Variants in C1QTNF3 observed in about 807,000 individuals in gnomAD.
C1QTNF3 encodes complement C1q tumor necrosis factor-related protein 3.
A neutral mutation model predicts 32.6 loss-of-function variants in C1QTNF3; 26 were observed. That is an observed-to-expected ratio of 0.80 (90% CI 0.58 to 1.11). C1QTNF3 has a LOEUF of 1.11. Ranked by LOEUF, C1QTNF3 falls within the 50% of genes least tolerant of loss-of-function variation. The pLI, the probability that C1QTNF3 is intolerant of heterozygous loss-of-function variation, is 0.00. For missense variants in C1QTNF3, 362 were observed against 398.2 expected (o/e 0.91, Z 0.77); for synonymous variants, 155 against 146.0 (o/e 1.06, Z -0.44).
At chr5:34,040,902 T>C (rs1171498335) in intron 1 of C1QTNF3, among the ~76,000 whole-genome samples, 1 of 152,152 alleles carries the variant, frequency 6.6e-6, no homozygotes, top group African/African-American at 2.4e-5. Flanking sequence ...ACTTTGACAC[T>C]TTTGCCCAAT....
At chr5:34,058,032 G>T in the C1QTNF3 span, among the ~76,000 whole-genome samples, 2 of 152,196 alleles carry the variant, frequency 1.3e-5, no homozygotes, top group African/African-American at 4.8e-5. Flanking sequence ...AAAAGAAGAA[G>T]TTTGTCCTGT....
chr5:34,147,688 G>A, the C1QTNF3 span, among the ~76,000 whole-genome samples: 1 of 152,028 alleles, frequency 6.6e-6, no homozygotes, highest in Non-Finnish European at 1.5e-5. Context: ...AAAGAGTGGT[G>A]TGAATTGAAA....
At chr5:34,092,788 G>T in the C1QTNF3 span, among the ~76,000 whole-genome samples, 1 of 151,752 alleles carries the variant, frequency 6.6e-6, no homozygotes, top group African/African-American at 2.4e-5. Flanking sequence ...AAGACACCAG[G>T]TCCCATTTAC....
rs1249445540 is a variant in C1QTNF3 at position 34,019,950 on chromosome 5, G to A, written c.*633C>T. 1 of 152,236 alleles carries A rather than the reference G, an allele frequency of 6.6e-6. No individual in the cohort carries two copies. The highest frequency in any genetic ancestry group is 2.4e-5 in the African/African-American group (1 of 41,420). The allele number at this position is 152,236 out of a possible 1,614,324, so 9.4% of individuals were successfully genotyped here. Reference sequence around the variant, plus strand: ...CCACATCCGAAGTTGGGGGCGATGTGGGGGAACATACACAAAATTACAACC... The same window carrying A: ...CCACATCCGAAGTTGGGGGCGATGTAGGGGAACATACACAAAATTACAACC... On this transcript the variant is annotated 3_prime_UTR_variant, in exon 6 of 6. Coordinates refer to ENST00000382065, the MANE Select transcript of C1QTNF3 (RefSeq NM_181435.6).
At chr5:34,161,365 C>T in the C1QTNF3 span, among the ~76,000 whole-genome samples, 2 of 151,954 alleles carry the variant, frequency 1.3e-5, no homozygotes, top group East Asian at 3.9e-4. Context: ...CACTAACAGG[C>T]CACTTAGAGA....
chr5:34,028,260 C>T (rs752001047), intron 4 of C1QTNF3, among the ~76,000 whole-genome samples: 9 of 152,218 alleles, frequency 5.9e-5, no homozygotes, highest in Non-Finnish European at 1.2e-4. Context: ...GCATGAGCCA[C>T]CGCGCCGGGC....
rs987907361 is a variant in C1QTNF3, at chr5:34,033,545, T to C, written c.416-87A>G. 8 of 1,531,038 alleles carry C rather than the reference T, an allele frequency of 5.2e-6. No homozygotes were observed. In the African/African-American group the frequency reaches 6.8e-5, roughly 13 times the overall value. The allele number at this position is 1,531,038 out of a possible 1,614,324, so 94.8% of individuals were successfully genotyped here. ...TAGACATACTATCCAAACTCAATTA[T>C]GAAAGGGGACCATTCAGAATAATCC... On this transcript the variant is annotated intron_variant, in intron 2 of 5. Coordinates refer to ENST00000382065, the MANE Select transcript of C1QTNF3 (RefSeq NM_181435.6).
chr5:34,178,387 G>C, the C1QTNF3 span, among the ~76,000 whole-genome samples: 2 of 152,200 alleles, frequency 1.3e-5, no homozygotes, highest in Middle Eastern at 3.2e-3. Context: ...GTGTCATTCT[G>C]TAAGCACGAT....
the C1QTNF3 span, among the ~76,000 whole-genome samples, chr5:34,051,607 T>G: frequency 6.6e-6 from 1 of 152,228 alleles, no homozygotes; most frequent in Non-Finnish European, 1.5e-5. Flanking sequence ...GCTGAAGGAT[T>G]TAGAGAGCTG....
chr5:34,211,718 A>T, the C1QTNF3 span, among the ~76,000 whole-genome samples: 1 of 151,888 alleles, frequency 6.6e-6, no homozygotes, highest in Non-Finnish European at 1.5e-5. Flanking sequence ...AAAGGACATG[A>T]ACTCATCATT....
chr5:34,096,864 A>G, the C1QTNF3 span, among the ~76,000 whole-genome samples: 2 of 151,174 alleles, frequency 1.3e-5, no homozygotes, highest in South Asian at 4.2e-4. Flanking sequence ...TCAGAATTTT[A>G]GCTACTGTCT....
chr5:34,082,626 A>G, the C1QTNF3 span, among the ~76,000 whole-genome samples: 26 of 151,730 alleles, frequency 1.7e-4, no homozygotes, highest in Admixed American at 1.5e-3. Context: ...TGGTCAATAG[A>G]CTTCTGTTCA....
At chr5:34,174,962 T>C in the C1QTNF3 span, among the ~76,000 whole-genome samples, 6 of 151,736 alleles carry the variant, frequency 4.0e-5, no homozygotes, top group South Asian at 8.4e-4. Flanking sequence ...TTAGCCAGGA[T>C]GGTCTCGATC....
chr5:34,033,347 G>C lies in C1QTNF3; in HGVS notation c.527C>G (p.Pro176Arg). 1 of 1,613,718 alleles carries C rather than the reference G, an allele frequency of 6.2e-7. No homozygotes were observed. Among genetic ancestry groups the C allele is most frequent in the South Asian group, 1.1e-5 (1 of 91,056 alleles). ...GPRGERGQHG[P>R]KGEKGYPGIP... ...CCCCGGGTAGCCCTTCTCTCCTTTG[G>C]GGCCATGCTGCCCCCGCTCCCCTCG... The change falls in exon 3 of 6, where the codon CCC becomes CGC. Residue 176 changes from proline to arginine, a missense_variant. Transcript: ENST00000382065.
At chr5:34,195,669 G>A in the C1QTNF3 span, among the ~76,000 whole-genome samples, 17 of 152,050 alleles carry the variant, frequency 1.1e-4, no homozygotes, top group African/African-American at 3.9e-4. Flanking sequence ...GTAAAACCCC[G>A]TCTCTACTAA....
the C1QTNF3 span, among the ~76,000 whole-genome samples, chr5:34,057,099 C>T: frequency 6.6e-6 from 1 of 152,110 alleles, no homozygotes; most frequent in African/African-American, 2.4e-5. Context: ...AACTGTACAT[C>T]CATCAACGTA....
chr5:34,134,425 G>A, the C1QTNF3 span, among the ~76,000 whole-genome samples: 9 of 151,968 alleles, frequency 5.9e-5, no homozygotes, highest in Non-Finnish European at 1.2e-4. Context: ...AGAAGATTGT[G>A]CTGATTTGCT....
At chr5:34,021,292 A>G (rs1476387112) in intron 5 of C1QTNF3, among the ~76,000 whole-genome samples, 6 of 152,236 alleles carry the variant, frequency 3.9e-5, no homozygotes, top group African/African-American at 1.2e-4. Context: ...GATCCATGTT[A>G]CACTGTGCAA....
the C1QTNF3 span, among the ~76,000 whole-genome samples, chr5:34,213,504 C>A: frequency 6.6e-6 from 1 of 151,152 alleles, no homozygotes; most frequent in Non-Finnish European, 1.5e-5. Flanking sequence ...ATCATAAAGG[C>A]AGAGGTTAAT....
Sources: allele counts gnomAD v4.1 joint callset (sites outside exome capture counted in the v4.1 genomes callset), GRCh38; gene constraint gnomAD v4.1.1; transcripts MANE v1.5; gene names NCBI Gene and HGNC (gene_info 2026-07-23, HGNC 2026-07-21).